UNC5D: variants seen among roughly 807,000 people sequenced by gnomAD.
UNC5D encodes unc-5 netrin receptor D.
Under a neutral mutation model 105.4 loss-of-function variants are expected in UNC5D, and 39 were observed. The ratio of observed to expected loss-of-function variants is 0.37; its 90% CI spans 0.29 to 0.48. The LOEUF (loss-of-function observed/expected upper bound fraction) is 0.48. Ranked by LOEUF, UNC5D falls within the 20% of genes least tolerant of loss-of-function variation. UNC5D has a pLI of 0.98. For missense variants in UNC5D, 991 were observed against 1,202.4 expected (o/e 0.82, Z 2.60); for synonymous variants, 452 against 450.4 (o/e 1.00, Z -0.04).
At chr8:35,732,759 T>G (rs1347227707) in intron 11 of UNC5D, among the ~76,000 whole-genome samples, 4 of 152,280 alleles carry the variant, frequency 2.6e-5, no homozygotes. Context: ...CCAGTAAGCC[T>G]GTGTTGAGCT....
At chr8:35,548,375 G>C (rs1815853987) in intron 1 of UNC5D, among the ~76,000 whole-genome samples, 1 of 152,096 alleles carries the variant, frequency 6.6e-6, no homozygotes, top group Admixed American at 6.6e-5. Context: ...ACAGTAGAAT[G>C]GCCTTTCGAG....
At chr8:35,701,740 A>AT (rs1368097534) in intron 7 of UNC5D, among the ~76,000 whole-genome samples, 1 of 151,996 alleles carries the variant, frequency 6.6e-6, no homozygotes, top group African/African-American at 2.4e-5. Context: ...ACAATTCCAC[A>AT]TTTTTATAGG....
chr8:35,587,539 G>A (rs1179087151), intron 3 of UNC5D, among the ~76,000 whole-genome samples: 2 of 152,060 alleles, frequency 1.3e-5, no homozygotes, highest in Non-Finnish European at 2.9e-5. Context: ...CAGAAATATG[G>A]CAATAAACAG....
intron 7 of UNC5D, among the ~76,000 whole-genome samples, chr8:35,701,344 C>A (rs1388138091): frequency 6.6e-6 from 1 of 152,214 alleles, no homozygotes; most frequent in Non-Finnish European, 1.5e-5. Flanking sequence ...GCAGCCCTCA[C>A]TCTATGGTTG....
chr8:35,300,364 T>C (rs1258121599), intron 1 of UNC5D, among the ~76,000 whole-genome samples: 1 of 147,310 alleles, frequency 6.8e-6, no homozygotes, highest in Admixed American at 7.1e-5. Flanking sequence ...GGAGAATCAC[T>C]TGAACCCGGG....
At chr8:35,492,970 C>A (rs937561773) in intron 1 of UNC5D, among the ~76,000 whole-genome samples, 1 of 152,060 alleles carries the variant, frequency 6.6e-6, no homozygotes, top group Non-Finnish European at 1.5e-5. Context: ...TCTGTTTAAT[C>A]TTGGTTATCC....
intron 1 of UNC5D, among the ~76,000 whole-genome samples, chr8:35,257,498 A>G (rs1038769049): frequency 6.6e-6 from 1 of 152,188 alleles, no homozygotes; most frequent in Non-Finnish European, 1.5e-5. Context: ...TGCTTTCTGT[A>G]CATCCAGAGG....
chr8:35,787,911 G>A (rs747905865), intron 16 of UNC5D, among the ~76,000 whole-genome samples: 1 of 152,020 alleles, frequency 6.6e-6, no homozygotes, highest in African/African-American at 2.4e-5. Context: ...TTAAATAAGA[G>A]GAACTAAGAT....
At chr8:35,513,638 T>C (rs1051555485) in intron 1 of UNC5D, among the ~76,000 whole-genome samples, 1 of 152,226 alleles carries the variant, frequency 6.6e-6, no homozygotes, top group Non-Finnish European at 1.5e-5. Context: ...TCATCTAACA[T>C]ACCATAGACT....
chr8:35,538,398 TATA>T (rs1563513953), intron 1 of UNC5D, among the ~76,000 whole-genome samples: 483 of 19,148 alleles, frequency 0.025, 6 homozygotes, highest in African/African-American at 0.051. Context: ...AAAATAATTA[TATA>T]TATATATATA....
At chr8:35,765,979 G>C (rs1353657004) in intron 14 of UNC5D, among the ~76,000 whole-genome samples, 1 of 152,166 alleles carries the variant, frequency 6.6e-6, no homozygotes, top group African/African-American at 2.4e-5. Context: ...AGAAAGGAGA[G>C]AGGCTTTTTA....
chr8:35,340,252 C>G (rs1449099007), intron 1 of UNC5D, among the ~76,000 whole-genome samples: 1 of 152,108 alleles, frequency 6.6e-6, no homozygotes, highest in Admixed American at 6.6e-5. Flanking sequence ...AAACTTCTGT[C>G]TCTGATAGCA....
In UNC5D at chr8:35,774,339, G is replaced by C; in HGVS notation, c.2519G>C (p.Ser840Thr). Residue 840 changes from serine to threonine, a missense_variant, in exon 16 of 17, where the codon AGC becomes ACC. Ser to Thr is a moderately conservative substitution (Grantham distance 58, BLOSUM62 1). Around this residue, in one of 3 missense-constraint regions of UNC5D, gnomAD observed 944 missense variants for 1,131.6 expected, o/e 0.83. Transcript: ENST00000404895. ...ETITFFAQED[S>T]TFPAQTGPKA... Reference sequence around the variant, plus strand: ...ATCACTTTCTTCGCACAAGAGGACAGCACTTTCCCTGCACAGACTGGCCCC... The same window carrying C: ...ATCACTTTCTTCGCACAAGAGGACACCACTTTCCCTGCACAGACTGGCCCC... The C allele has an allele frequency of 6.2e-7, 1 of 1,614,032 alleles. No homozygotes were observed. Among genetic ancestry groups the C allele is most frequent in the Non-Finnish European group, 8.5e-7 (1 of 1,179,956 alleles).
At chr8:35,448,482 A>C (rs1174547086) in intron 1 of UNC5D, among the ~76,000 whole-genome samples, 1 of 152,034 alleles carries the variant, frequency 6.6e-6, no homozygotes, top group Non-Finnish European at 1.5e-5. Context: ...TGTATTCTTT[A>C]GGTAAGTGCT....
At chr8:35,533,549 C>G (rs1814575992) in intron 1 of UNC5D, among the ~76,000 whole-genome samples, 1 of 152,206 alleles carries the variant, frequency 6.6e-6, no homozygotes, top group Non-Finnish European at 1.5e-5. Flanking sequence ...GGCAGGCAGG[C>G]CTCCTTGAGC....
At chr8:35,535,938 G>A (rs1202793982) in intron 1 of UNC5D, among the ~76,000 whole-genome samples, 1 of 152,152 alleles carries the variant, frequency 6.6e-6, no homozygotes, top group East Asian at 1.9e-4. Context: ...CTACCTGGAA[G>A]AATATAGAAG....
At chr8:35,730,826 T>C (rs1291908509) in intron 10 of UNC5D, among the ~76,000 whole-genome samples, 186 bp from the exon 11 acceptor site, 1 of 152,178 alleles carries the variant, frequency 6.6e-6, no homozygotes, top group East Asian at 1.9e-4. Flanking sequence ...CCCTTCCTTA[T>C]GTCACTGTTA....
chr8:35,249,472 C>A (rs1032857413), intron 1 of UNC5D, among the ~76,000 whole-genome samples: 1 of 150,834 alleles, frequency 6.6e-6, no homozygotes, highest in Admixed American at 6.6e-5. Flanking sequence ...GCAGGAGAAT[C>A]GCTTGAACCT....
intron 1 of UNC5D, among the ~76,000 whole-genome samples, chr8:35,467,601 A>AAG: frequency 6.6e-6 from 1 of 151,954 alleles, no homozygotes; most frequent in African/African-American, 2.4e-5. Context: ...AGAAGAAAAA[A>AAG]TCAGACTTGT....
Sources: allele counts gnomAD v4.1 joint callset (sites outside exome capture counted in the v4.1 genomes callset), GRCh38; gene constraint gnomAD v4.1.1; regional missense constraint gnomAD v4.1.1; transcripts MANE v1.5; gene names NCBI Gene and HGNC (gene_info 2026-07-23, HGNC 2026-07-21).